Variants in LRP1B observed in about 807,000 individuals in gnomAD.
LRP1B encodes low-density lipoprotein receptor-related protein 1B.
Under a neutral mutation model 556.6 loss-of-function variants are expected in LRP1B, and 217 were observed. The observed-to-expected ratio is 0.39, with a 90% CI of 0.35 to 0.44. LRP1B has a LOEUF of 0.44. Among genes scored for constraint, LRP1B ranks in the 20% least tolerant of loss-of-function variants. The pLI is 1.00. For missense variants in LRP1B, 5,053 were observed against 5,620.8 expected (o/e 0.90, Z 3.23); for synonymous variants, 2,047 against 1,865.8 (o/e 1.10, Z -2.50).
At chr2:141,944,384 C>T (rs1700897689) in intron 1 of LRP1B, among the ~76,000 whole-genome samples, 2 of 152,130 alleles carry the variant, frequency 1.3e-5, no homozygotes, top group Non-Finnish European at 2.9e-5. Context: ...TACTACCTTC[C>T]CTATCCTTAT....
chr2:141,335,708 C>T (rs187198035), intron 3 of LRP1B, among the ~76,000 whole-genome samples: 1 of 152,170 alleles, frequency 6.6e-6, no homozygotes, highest in Admixed American at 6.5e-5. Context: ...AGAGGTATTA[C>T]ATGACTTCAG....
intron 2 of LRP1B, among the ~76,000 whole-genome samples, chr2:141,747,573 G>T (rs1254574707): frequency 6.6e-6 from 1 of 152,154 alleles, no homozygotes; most frequent in Non-Finnish European, 1.5e-5. Context: ...GGACTTTGAA[G>T]CTGCAGTGTG....
rs779017184 is a variant in LRP1B at position 142,130,738 on chromosome 2, C to T, written c.-9G>A. Reference sequence around the variant, plus strand: ...AGGAGAAACTCGGACATTGTGGTCGCCCGGTAAGGAAGCCTGCGCTGGAGA... The same window carrying T: ...AGGAGAAACTCGGACATTGTGGTCGTCCGGTAAGGAAGCCTGCGCTGGAGA... On this transcript the variant is annotated 5_prime_UTR_variant, in exon 1 of 91. Transcript: ENST00000389484. The T allele has an allele frequency of 1.9e-6, 3 of 1,607,848 alleles. No homozygotes were observed. The Admixed American group carries it at 5.0e-5, about 27-fold the overall frequency.
chr2:140,625,373 T>C (rs1683618894), intron 41 of LRP1B, among the ~76,000 whole-genome samples: 1 of 152,190 alleles, frequency 6.6e-6, no homozygotes, highest in Admixed American at 6.5e-5. Flanking sequence ...AAAGATGTAA[T>C]TGATAAGCTG....
At chr2:140,578,037 AT>A (rs1278598609) in intron 43 of LRP1B, among the ~76,000 whole-genome samples, 6 of 152,328 alleles carry the variant, frequency 3.9e-5, no homozygotes, top group Non-Finnish European at 8.8e-5. Context: ...TATAATAAAA[AT>A]ATAAAGTCAC....
At chr2:141,683,527 GGTTATAAGC>G (rs1292500687) in intron 2 of LRP1B, among the ~76,000 whole-genome samples, 2 of 152,084 alleles carry the variant, frequency 1.3e-5, no homozygotes, top group African/African-American at 4.8e-5. Context: ...TGTGCCCTAT[GGTTATAAGC>G]GGTAACAAAA....
At chr2:141,210,677 C>G (rs986737613) in intron 6 of LRP1B, among the ~76,000 whole-genome samples, 1 of 152,026 alleles carries the variant, frequency 6.6e-6, no homozygotes, top group African/African-American at 2.4e-5. Flanking sequence ...ATGAAACAAG[C>G]AAACATAAGA....
chr2:140,992,084 A>T lies in LRP1B; in HGVS notation c.2644+1911T>A, dbSNP rs185169248. On this transcript the variant is annotated intron_variant, in intron 16 of 90. Coordinates refer to ENST00000389484, the MANE Select transcript of LRP1B (RefSeq NM_018557.3). ...GAGGAATAGTGGCAGGCATAATAGA[A>T]AGCCATTTTCTGAGTCAATCTAAGG... 3.4e-3 allele frequency among the ~76,000 whole-genome samples: 514 copies of T among 152,212 alleles called. 3 individuals carry two copies. The highest frequency in any genetic ancestry group is 0.012 in the African/African-American group (497 of 41,554).
intron 2 of LRP1B, among the ~76,000 whole-genome samples, chr2:141,753,209 T>C (rs1246938965): frequency 8.2e-6 from 1 of 121,490 alleles, no homozygotes; most frequent in African/African-American, 3.1e-5. Context: ...GATTGCACCA[T>C]TGCACTCCAG....
intron 3 of LRP1B, among the ~76,000 whole-genome samples, chr2:141,364,131 A>C (rs1165574048): frequency 6.6e-6 from 1 of 152,126 alleles, no homozygotes; most frequent in Non-Finnish European, 1.5e-5. Context: ...AAGATTTCAT[A>C]CCTCGATCAA....
At chr2:140,240,158 G>C (rs1188257788) in intron 87 of LRP1B, among the ~76,000 whole-genome samples, 2 of 150,822 alleles carry the variant, frequency 1.3e-5, no homozygotes, top group Non-Finnish European at 1.5e-5. Context: ...ACAAAGGGCA[G>C]TTAGCTTGAT....
chr2:141,319,240 T>G (rs1687140866), intron 3 of LRP1B, among the ~76,000 whole-genome samples: 1 of 151,750 alleles, frequency 6.6e-6, no homozygotes, highest in African/African-American at 2.4e-5. Flanking sequence ...AAAATATCTT[T>G]ACCCTTTGAC....
chr2:141,042,512 A>C (rs1198025772), intron 11 of LRP1B, among the ~76,000 whole-genome samples: 2 of 152,114 alleles, frequency 1.3e-5, no homozygotes, highest in Non-Finnish European at 2.9e-5. Flanking sequence ...AACGTGTAGC[A>C]GGCTAATGTT....
intron 1 of LRP1B, among the ~76,000 whole-genome samples, chr2:141,878,863 T>C (rs1002614730): frequency 6.6e-6 from 1 of 151,918 alleles, no homozygotes; most frequent in Non-Finnish European, 1.5e-5. Context: ...TGAAGGGTTA[T>C]TTCTTCCTCC....
At position 140,784,376 on chromosome 2, in the gene LRP1B, CCACACACACA is replaced by C. The variant is rs143661527; in HGVS notation, c.5360-8148_5360-8139del. 9.9e-4 allele frequency among the ~76,000 whole-genome samples: 126 copies of C among 126,686 alleles called. 1 individual carries two copies. Among genetic ancestry groups the C allele is most frequent in the Admixed American group, 1.9e-3 (22 of 11,684 alleles). 83.1% of individuals were successfully genotyped at this position (126,686 alleles called of 152,430 possible). Reference sequence around the variant, plus strand: ...AAGAGATAATTGGAGGATTCTGCCTCCACACACACACACACACACACACACACACACACAC... The same window carrying C: ...AAGAGATAATTGGAGGATTCTGCCTCCACACACACACACACACACACACAC... On this transcript the variant is annotated intron_variant, in intron 32 of 90. Transcript: ENST00000389484.
intron 21 of LRP1B, among the ~76,000 whole-genome samples, chr2:140,912,473 TTAAAA>T (rs1425193168): frequency 4.0e-5 from 6 of 151,664 alleles, no homozygotes; most frequent in East Asian, 3.9e-4. Flanking sequence ...CCAAAAATCT[TTAAAA>T]TAAAGTTTTT....
At chr2:142,114,375 TTAAAG>T (rs1278415159) in intron 1 of LRP1B, among the ~76,000 whole-genome samples, 2 of 152,082 alleles carry the variant, frequency 1.3e-5, no homozygotes, top group Non-Finnish European at 2.9e-5. Flanking sequence ...AATATTAAAA[TTAAAG>T]TATTGAACAG....
chr2:141,274,318 A>G (rs1685202209), intron 3 of LRP1B, among the ~76,000 whole-genome samples: 1 of 152,214 alleles, frequency 6.6e-6, no homozygotes, highest in Admixed American at 6.5e-5. Context: ...CTTTCAATGG[A>G]TAAATAGGTA....
At chr2:141,818,171 C>T (rs951354393) in intron 1 of LRP1B, among the ~76,000 whole-genome samples, 1 of 152,162 alleles carries the variant, frequency 6.6e-6, no homozygotes, top group Non-Finnish European at 1.5e-5. Flanking sequence ...TCTTTTGTCT[C>T]ATATAGCAGA....
Sources: allele counts gnomAD v4.1 joint callset (sites outside exome capture counted in the v4.1 genomes callset), GRCh38; gene constraint gnomAD v4.1.1; transcripts MANE v1.5; gene names NCBI Gene and HGNC (gene_info 2026-07-23, HGNC 2026-07-21).